RGS6: variants seen among roughly 807,000 people sequenced by gnomAD.
RGS6 encodes regulator of G protein signaling 6, also known as regulator of G-protein signaling 6.
In RGS6, 30 loss-of-function variants were observed where a neutral mutation model predicts 78.5. That is an observed-to-expected ratio of 0.38 (90% CI 0.29 to 0.52). The LOEUF is 0.52. RGS6 is among the 20% of genes least tolerant of loss of function. RGS6 has a pLI of 0.85. For missense variants in RGS6, 495 were observed against 609.7 expected (o/e 0.81, Z 1.98); for synonymous variants, 206 against 206.0 (o/e 1.00, Z 0.00).
chr14:72,399,473 T>G (rs909787627), intron 3 of RGS6, among the ~76,000 whole-genome samples: 4 of 152,308 alleles, frequency 2.6e-5, no homozygotes, highest in East Asian at 3.9e-4. Flanking sequence ...TGCTGGGTCT[T>G]GACTCTATCC....
chr14:72,159,433 C>G (rs1351706176), intron 2 of RGS6, among the ~76,000 whole-genome samples: 2 of 152,184 alleles, frequency 1.3e-5, no homozygotes, highest in African/African-American at 2.4e-5. Flanking sequence ...TGAGAAGGAC[C>G]TCAAAGCAGA....
At chr14:72,531,929 TC>T (rs142466861) in intron 15 of RGS6, among the ~76,000 whole-genome samples, 1 of 152,348 alleles carries the variant, frequency 6.6e-6, no homozygotes, top group African/African-American at 2.4e-5. Context: ...TTATGTGGTG[TC>T]CTTTGACCAA....
chr14:72,384,193 A>T (rs1026250954), intron 3 of RGS6, among the ~76,000 whole-genome samples: 4 of 152,216 alleles, frequency 2.6e-5, no homozygotes, highest in Admixed American at 1.3e-4. Context: ...GGGCATGGTG[A>T]TGGAAAAGAT....
the RGS6 span, among the ~76,000 whole-genome samples, chr14:72,578,022 C>G: frequency 6.6e-6 from 1 of 152,200 alleles, no homozygotes; most frequent in Non-Finnish European, 1.5e-5. Flanking sequence ...TCCTTGACCT[C>G]TAAATGCTCC....
rs370722663 is a variant in RGS6, at chr14:72,518,505, G to A, written c.1246G>A (p.Asp416Asn). The A allele has an allele frequency of 7.4e-6, 12 of 1,614,216 alleles. No homozygotes were observed. The African/African-American group carries it at 1.5e-4, about 20-fold the overall frequency. Reference sequence around the variant, plus strand: ...TGAGATAACCAGTCAAAATGTCAAAGATGGAGGGAGATATACATTTGAAGA... The same window carrying A: ...TGAGATAACCAGTCAAAATGTCAAAAATGGAGGGAGATATACATTTGAAGA... ...SYEITSQNVK[D>N]GGRYTFEDAQ... The change falls in exon 15 of 18, where the codon GAT becomes AAT. Residue 416 changes from aspartate (D) to asparagine (N), a missense_variant. Coordinates refer to ENST00000553525, the MANE Select transcript of RGS6 (RefSeq NM_001204424.2).
chr14:72,553,505 C>G (rs915283004), intron 17 of RGS6: 1 of 152,374 alleles, frequency 6.6e-6, no homozygotes, highest in African/African-American at 2.4e-5. Context: ...CAGGGACAGT[C>G]GGCAGCACCC....
intron 2 of RGS6, among the ~76,000 whole-genome samples, chr14:72,326,024 A>C (rs1184421632): frequency 6.6e-6 from 1 of 152,222 alleles, no homozygotes; most frequent in Non-Finnish European, 1.5e-5. Flanking sequence ...CCTGACTCAG[A>C]AATTTCACTT....
At chr14:71,948,640 A>G (rs2091886804) in intron 1 of RGS6, among the ~76,000 whole-genome samples, 1 of 151,104 alleles carries the variant, frequency 6.6e-6, no homozygotes, top group Non-Finnish European at 1.5e-5. Flanking sequence ...AGAGAATATT[A>G]CCGTTCTTCC....
chr14:72,619,921 C>T, the RGS6 span: 1 of 1,534,242 alleles, frequency 6.5e-7, no homozygotes, highest in Non-Finnish European at 8.7e-7. Flanking sequence ...GGCTCAGCCA[C>T]CGGGGGATTT....
Position 72,157,012 on chromosome 14 carries a change from T to C in RGS6, c.84+192137T>C, listed in dbSNP as rs1051971720. On this transcript the variant is annotated intron_variant, in intron 2 of 17. Coordinates refer to ENST00000553525, the MANE Select transcript of RGS6 (RefSeq NM_001204424.2). ...GAATCTGTTGTCATTATCAGGTGAG[T>C]CATTAGGACCACCTGGAAAAGTGAA... Among the ~76,000 whole-genome samples the C allele has an allele frequency of 2.0e-5, 3 of 152,182 alleles. No individual in the cohort carries two copies. The East Asian group carries it at 5.8e-4, about 29-fold the overall frequency.
chr14:72,302,400 G>T (rs752977391), intron 2 of RGS6, among the ~76,000 whole-genome samples: 18 of 152,232 alleles, frequency 1.2e-4, no homozygotes, highest in Non-Finnish European at 2.4e-4. Flanking sequence ...TAAATTCTGT[G>T]TAAAGTGCAA....
At chr14:71,949,053 A>G (rs1191941036) in intron 1 of RGS6, among the ~76,000 whole-genome samples, 1 of 152,206 alleles carries the variant, frequency 6.6e-6, no homozygotes, top group African/African-American at 2.4e-5. Flanking sequence ...GATATTCCAC[A>G]AACTATTCAT....
intron 3 of RGS6, among the ~76,000 whole-genome samples, chr14:72,390,428 C>G (rs1566707598): frequency 6.6e-6 from 1 of 152,076 alleles, no homozygotes; most frequent in African/African-American, 2.4e-5. Flanking sequence ...GAAAGCAAAG[C>G]TTTTCACATC....
intron 17 of RGS6, among the ~76,000 whole-genome samples, chr14:72,547,695 G>T (rs1483026183): frequency 6.6e-6 from 1 of 151,016 alleles, no homozygotes; most frequent in East Asian, 2.0e-4. Flanking sequence ...TGGGTGGGAA[G>T]GTGAGACGGG....
chr14:72,406,479 G>A (rs1265186597), intron 3 of RGS6, among the ~76,000 whole-genome samples: 2 of 152,192 alleles, frequency 1.3e-5, no homozygotes, highest in Non-Finnish European at 2.9e-5. Flanking sequence ...AAAGGCAGTC[G>A]TGTGTAGGTT....
chr14:72,409,742 T>C (rs1020263481), intron 3 of RGS6, among the ~76,000 whole-genome samples: 9 of 152,082 alleles, frequency 5.9e-5, no homozygotes, highest in Non-Finnish European at 1.0e-4. Context: ...GTCCTCGGTG[T>C]GTGATGTTCC....
intron 2 of RGS6, among the ~76,000 whole-genome samples, chr14:72,033,122 G>A (rs1272185842): frequency 6.6e-6 from 1 of 152,112 alleles, no homozygotes; most frequent in South Asian, 2.1e-4. Flanking sequence ...GTCTATGGTT[G>A]GGCAAAATCT....
chr14:72,181,608 A>G (rs535294054), intron 2 of RGS6, among the ~76,000 whole-genome samples: 1 of 152,302 alleles, frequency 6.6e-6, no homozygotes, highest in East Asian at 1.9e-4. Context: ...TGTGCTATAT[A>G]CTGATTTGCA....
chr14:72,331,756 C>T (rs1268794586), intron 2 of RGS6, among the ~76,000 whole-genome samples: 1 of 152,204 alleles, frequency 6.6e-6, no homozygotes, highest in Non-Finnish European at 1.5e-5. Context: ...AGGCCACTCA[C>T]CCTGCATGGA....
Sources: gnomAD v4.1 joint callset for allele counts (sites outside exome capture counted in the v4.1 genomes callset) on GRCh38, gnomAD v4.1.1 for gene constraint, MANE v1.5 for transcripts, NCBI Gene and HGNC (gene_info 2026-07-23, HGNC 2026-07-21) for gene names.